CEP78: variants seen among roughly 807,000 people sequenced by gnomAD.
CEP78 encodes the protein centrosomal protein of 78 kDa.
Under a neutral mutation model 81.2 loss-of-function variants are expected in CEP78, and 76 were observed. The ratio of observed to expected loss-of-function variants is 0.94; its 90% CI spans 0.78 to 1.13. The LOEUF (loss-of-function observed/expected upper bound fraction) is 1.13, where lower values mean the gene tolerates loss of function less well. CEP78 is among the 50% of genes most tolerant of loss of function. The probability of loss-of-function intolerance (pLI) is 0.00; values close to 1 mark genes in which losing one functional copy is unlikely to be tolerated. For missense variants in CEP78, 918 were observed against 846.8 expected (o/e 1.08, Z -1.04); for synonymous variants, 293 against 301.4 (o/e 0.97, Z 0.29).
rs1339764096 is a variant in CEP78, at chr9:78,273,778, G to C, written c.*2927G>C. The C allele has an allele frequency of 6.6e-6, 1 of 152,094 alleles. No individual in the cohort carries two copies. Among genetic ancestry groups the C allele is most frequent in the Non-Finnish European group, 1.5e-5 (1 of 68,024 alleles). The allele number at this position is 152,094 out of a possible 1,614,324, so 9.4% of individuals were successfully genotyped here. A position where few individuals can be genotyped will look rare whatever the true frequency, so the allele number is the denominator to read the frequency against. ...CAAAAACCTTCATCTTAAAATTATA[G>C]GGTAAGAATTTAGAAATACAAGGAA... On this transcript the variant is annotated 3_prime_UTR_variant, in exon 17 of 17. Coordinates refer to ENST00000643273, the MANE Select transcript of CEP78 (RefSeq NM_001330691.3).
intron 6 of CEP78, among the ~76,000 whole-genome samples, chr9:78,247,999 T>A (rs10120496): frequency 0.012 from 1,872 of 152,284 alleles, 42 homozygotes; most frequent in African/African-American, 0.042. Flanking sequence ...TGTTTAGGCT[T>A]TTGATTTCCT....
intron 16 of CEP78, among the ~76,000 whole-genome samples, chr9:78,268,109 A>C (rs892053164): frequency 6.6e-6 from 1 of 152,088 alleles, no homozygotes; most frequent in Non-Finnish European, 1.5e-5. Flanking sequence ...GAGTTTAGTC[A>C]GTGTGGGGAA....
chr9:78,250,531 G>A (rs979561434), intron 8 of CEP78: 1 of 226,906 alleles, frequency 4.4e-6, no homozygotes. Context: ...CTGAGCTCAG[G>A]AGTTGGAGAC....
At chr9:78,248,154 G>A (rs757796346) in intron 6 of CEP78, 137 bp from the exon 7 acceptor site, 410 of 654,310 alleles carry the variant, frequency 6.3e-4, no homozygotes, top group Admixed American at 2.7e-3. Flanking sequence ...AGGGGGAAAA[G>A]GTATTTAATT....
At chr9:78,265,607 T>G in intron 14 of CEP78, 64 bp downstream of exon 14, 1 of 1,413,268 alleles carries the variant, frequency 7.1e-7, no homozygotes, top group South Asian at 1.4e-5. Flanking sequence ...AATTACTAAG[T>G]CAGAGAGAAA....
At chr9:78,267,137 T>G in intron 16 of CEP78, 2 of 902,090 alleles carry the variant, frequency 2.2e-6, no homozygotes, top group Non-Finnish European at 3.1e-6. Context: ...TACTTTTTAT[T>G]ATAGTGAAAT....
intron 3 of CEP78, among the ~76,000 whole-genome samples, chr9:78,240,623 T>G (rs867699504): frequency 7.9e-5 from 12 of 152,136 alleles, no homozygotes; most frequent in Admixed American, 1.3e-4. Flanking sequence ...TTTGTTCATC[T>G]TTTAGAGTTT....
rs779548865 is a variant in CEP78, at chr9:78,266,658, T to A, written c.2062T>A (p.Leu688Met). The change falls in exon 16 of 17, where the codon TTG becomes ATG. Residue 688 changes from leucine to methionine, a missense_variant. Coordinates refer to ENST00000643273, the MANE Select transcript of CEP78 (RefSeq NM_001330691.3). ...TGGAAGTCAAAGAAAAGAAGAGGAG[T>A]TGTCCAGAAATAGCAGATCTTCTTC... ...GTGSQRKEEELSRNSRSSSEK... is the reference protein window; with the variant it reads ...GTGSQRKEEEMSRNSRSSSEK... 1.2e-6 allele frequency: 2 copies of A among 1,612,008 alleles called. No homozygotes were observed. The highest frequency in any genetic ancestry group is 2.2e-5 in the South Asian group (2 of 90,764).
At chr9:78,263,698 A>C (rs1429408119) in intron 12 of CEP78, among the ~76,000 whole-genome samples, 1 of 152,168 alleles carries the variant, frequency 6.6e-6, no homozygotes, top group Non-Finnish European at 1.5e-5. Flanking sequence ...ATTTTCAAGA[A>C]GCAAAGGGGC....
At chr9:78,259,056 TA>T (rs1372171127) in intron 11 of CEP78, among the ~76,000 whole-genome samples, 1 of 152,212 alleles carries the variant, frequency 6.6e-6, no homozygotes, top group Non-Finnish European at 1.5e-5. Flanking sequence ...TTATTTGTAA[TA>T]GTCCAACCTG....
In CEP78 at chr9:78,240,106, A is replaced by T; in HGVS notation, c.337A>T (p.Lys113Ter). The T allele has an allele frequency of 6.3e-7, 1 of 1,585,676 alleles. No individual in the cohort carries two copies. The highest frequency in any genetic ancestry group is 8.5e-7 in the Non-Finnish European group (1 of 1,173,448). ...DVTFQLCKAL[K>*]GCLSISSVLK... ...GACCTTCCAGTTGTGTAAAGCTCTT[A>T]AAGGCTGTTTAAGTATATCAAGTGT... Residue 113 changes from lysine to a stop codon, truncating the protein, a stop_gained, in exon 2 of 17, where the codon AAA (lysine) becomes TAA (stop). Transcript: ENST00000643273. LOFTEE classifies it high-confidence loss of function.
At chr9:78,269,922 T>C (rs1827654496) in intron 16 of CEP78, among the ~76,000 whole-genome samples, 1 of 152,228 alleles carries the variant, frequency 6.6e-6, no homozygotes, top group Non-Finnish European at 1.5e-5. Context: ...GATACTTTAA[T>C]GTTCTTAAGA....
chr9:78,265,958 A>G, intron 15 of CEP78, 52 bp downstream of exon 15: 1 of 880,812 alleles, frequency 1.1e-6, no homozygotes, highest in Non-Finnish European at 1.9e-6. Flanking sequence ...CATATATAAC[A>G]GGCAGTATAT....
At chr9:78,267,165 C>G in intron 16 of CEP78, 1 of 636,766 alleles carries the variant, frequency 1.6e-6, no homozygotes, top group South Asian at 1.6e-5. Context: ...CTGTTTTTCC[C>G]TTTGATAGTT....
In CEP78 at chr9:78,236,419, C is replaced by T; in HGVS notation, c.69C>T (p.Cys23=). Residue 23 remains cysteine, a synonymous_variant, in exon 1 of 17, where the codon TGC becomes TGT. Coordinates refer to ENST00000643273, the MANE Select transcript of CEP78 (RefSeq NM_001330691.3). ...TCTTCTCCCACTACGAGTACCTGTG[C>T]GCGCTGCAGAACTCGGTGCCGCTGC... ...ADFFSHYEYL[C]ALQNSVPLPA... The T allele has an allele frequency of 6.2e-7, 1 of 1,600,216 alleles. No homozygotes were observed. Among genetic ancestry groups the T allele is most frequent in the Non-Finnish European group, 8.5e-7 (1 of 1,173,874 alleles).
At position 78,275,148 on chromosome 9, in the gene CEP78, T is replaced by A. The variant is rs1025756719; in HGVS notation, c.*4297T>A. ...AGATATTTTTAATTATGAGCACTTTTATAATTTACTATAAATAATTGTGTA... is the reference window on the plus strand; with the variant it reads ...AGATATTTTTAATTATGAGCACTTTAATAATTTACTATAAATAATTGTGTA... On this transcript the variant is annotated 3_prime_UTR_variant, in exon 17 of 17. Transcript: ENST00000643273. The A allele has an allele frequency of 6.6e-6, 1 of 152,214 alleles. No individual in the cohort carries two copies. Among genetic ancestry groups the A allele is most frequent in the Non-Finnish European group, 1.5e-5 (1 of 68,024 alleles). The allele number at this position is 152,214 out of a possible 1,614,324, so 9.4% of individuals were successfully genotyped here.
At chr9:78,251,306 T>A (rs992201302) in intron 8 of CEP78, among the ~76,000 whole-genome samples, 4 of 152,248 alleles carry the variant, frequency 2.6e-5, no homozygotes, top group Non-Finnish European at 5.9e-5. Flanking sequence ...GCTCACCTAC[T>A]ACCCAGCTAC....
In CEP78 at chr9:78,273,776, T is replaced by C. The variant is rs546425390; in HGVS notation, c.*2925T>C. On this transcript the variant is annotated 3_prime_UTR_variant, in exon 17 of 17. Transcript: ENST00000643273. ...AACAAAAACCTTCATCTTAAAATTA[T>C]AGGGTAAGAATTTAGAAATACAAGG... 16 of 152,202 alleles carry C rather than the reference T, an allele frequency of 1.1e-4. No individual in the cohort carries two copies. The highest frequency in any genetic ancestry group is 3.6e-4 in the African/African-American group (15 of 41,538). 9.4% of individuals were successfully genotyped at this position (152,202 alleles called of 1,614,324 possible). A position where few individuals can be genotyped will look rare whatever the true frequency, so the allele number is the denominator to read the frequency against.
chr9:78,246,138 A>G (rs1826467761), intron 5 of CEP78, among the ~76,000 whole-genome samples: 1 of 152,188 alleles, frequency 6.6e-6, no homozygotes, highest in South Asian at 2.1e-4. Context: ...TACTAAAGGG[A>G]GGGTAATCAT....
Sources: allele counts gnomAD v4.1 joint callset (sites outside exome capture counted in the v4.1 genomes callset), GRCh38; gene constraint gnomAD v4.1.1; transcripts MANE v1.5; gene names NCBI Gene and HGNC (gene_info 2026-07-23, HGNC 2026-07-21).